Variants in PTPRQ observed in about 807,000 individuals in gnomAD.
PTPRQ encodes the protein phosphatidylinositol phosphatase PTPRQ.
In PTPRQ, 199 loss-of-function variants were observed where a neutral mutation model predicts 246.0. The observed-to-expected ratio is 0.81, with a 90% CI of 0.72 to 0.91. The LOEUF is 0.91. Ranked by LOEUF, PTPRQ falls within the 40% of genes least tolerant of loss-of-function variation. The pLI, the probability that PTPRQ is intolerant of heterozygous loss-of-function variation, is 0.00. For synonymous variants in PTPRQ, 869 were observed against 853.2 expected (o/e 1.02, Z -0.32); for missense variants, 2,624 against 2,528.4 (o/e 1.04, Z -0.81).
At chr12:80,677,661 T>C (rs931497231) in intron 43 of PTPRQ, among the ~76,000 whole-genome samples, 1 of 152,134 alleles carries the variant, frequency 6.6e-6, no homozygotes, top group East Asian at 1.9e-4. Context: ...CACAAAGAAA[T>C]AGATATTCCT....
At chr12:80,601,420 C>T (rs1434579054) in intron 26 of PTPRQ, among the ~76,000 whole-genome samples, 1 of 151,782 alleles carries the variant, frequency 6.6e-6, no homozygotes, top group Non-Finnish European at 1.5e-5. Flanking sequence ...ACCTTGATCA[C>T]CTGTATGAGC....
intron 5 of PTPRQ, among the ~76,000 whole-genome samples, chr12:80,459,812 G>C (rs751028640): frequency 2.0e-5 from 3 of 152,130 alleles, no homozygotes; most frequent in African/African-American, 7.2e-5. Context: ...TGTGATGGTG[G>C]CATTCCCGGT....
chr12:80,670,197 T>C, intron 41 of PTPRQ, 147 bp from the exon 42 acceptor site: 1 of 1,172,500 alleles, frequency 8.5e-7, no homozygotes, highest in Non-Finnish European at 1.2e-6. Context: ...TAAAAATCTC[T>C]CTTATAGGAA....
intron 15 of PTPRQ, 112 bp from the exon 16 acceptor site, chr12:80,506,457 C>T (rs1444652704): frequency 9.7e-6 from 9 of 924,850 alleles, no homozygotes; most frequent in Non-Finnish European, 1.4e-5. Flanking sequence ...GACATTTTCA[C>T]TTAGTTTTTA....
intron 32 of PTPRQ, 41 bp from the exon 33 acceptor site, chr12:80,622,020 A>T: frequency 8.4e-7 from 1 of 1,196,328 alleles, no homozygotes; most frequent in Non-Finnish European, 1.1e-6. Flanking sequence ...GAAAAATCAC[A>T]TGATATGCAA....
At chr12:80,561,834 G>T (rs930394635) in intron 25 of PTPRQ, among the ~76,000 whole-genome samples, 1 of 152,130 alleles carries the variant, frequency 6.6e-6, no homozygotes, top group African/African-American at 2.4e-5. Context: ...TAAGAGCAAT[G>T]AAAGAGGACA....
At chr12:80,525,533 G>A (rs184195094) in intron 17 of PTPRQ, among the ~76,000 whole-genome samples, 26 of 152,062 alleles carry the variant, frequency 1.7e-4, no homozygotes, top group Non-Finnish European at 3.5e-4. Flanking sequence ...ATTTTCTTGC[G>A]AGTGCAGCGG....
At chr12:80,579,906 A>G (rs1050376696) in intron 25 of PTPRQ, among the ~76,000 whole-genome samples, 4 of 152,192 alleles carry the variant, frequency 2.6e-5, no homozygotes, top group Non-Finnish European at 4.4e-5. Flanking sequence ...ATTCACAAAT[A>G]TAACTTTTCA....
intron 39 of PTPRQ, among the ~76,000 whole-genome samples, chr12:80,668,759 A>T (rs1192422858): frequency 1.3e-5 from 2 of 151,960 alleles, no homozygotes; most frequent in African/African-American, 4.8e-5. Flanking sequence ...AAATATTATT[A>T]TGTAGTCCTT....
Position 80,546,663 on chromosome 12 carries a change from T to A in PTPRQ, c.3981T>A (p.Phe1327Leu). The change falls in exon 24 of 45, where the codon TTT becomes TTA. Residue 1327 changes from phenylalanine (F) to leucine (L), a missense_variant. By Grantham distance (22) the Phe-to-Leu change is conservative. Transcript: ENST00000644991. ...AFTKVGNGNQ[F>L]SNVVKFTTQE... Reference sequence around the variant, plus strand: ...CCAAAGTTGGAAATGGCAATCAATTTAGTAATGTAGTAAAATTCACAACCC... The same window carrying A: ...CCAAAGTTGGAAATGGCAATCAATTAAGTAATGTAGTAAAATTCACAACCC... The A allele has an allele frequency of 6.4e-7, 1 of 1,551,450 alleles. No individual in the cohort carries two copies. Among genetic ancestry groups the A allele is most frequent in the Non-Finnish European group, 8.7e-7 (1 of 1,146,854 alleles).
Position 80,448,696 on chromosome 12 carries a change from G to A in PTPRQ, c.390+2979G>A, listed in dbSNP as rs370203843. Among the ~76,000 whole-genome samples, 586 of 149,256 alleles carry A rather than the reference G, an allele frequency of 3.9e-3. 22 individuals carry two copies. In the East Asian group the frequency reaches 0.098, roughly 25 times the overall value. Reference sequence around the variant, plus strand: ...AATTTCATCTATGTCCCTACAAAGGGCATGAACTCATCATTTTTTATGGCT... The same window carrying A: ...AATTTCATCTATGTCCCTACAAAGGACATGAACTCATCATTTTTTATGGCT... On this transcript the variant is annotated intron_variant, in intron 3 of 44. Transcript: ENST00000644991.
chr12:80,509,123 T>G (rs1196528705), intron 16 of PTPRQ, among the ~76,000 whole-genome samples: 1 of 152,038 alleles, frequency 6.6e-6, no homozygotes, highest in African/African-American at 2.4e-5. Context: ...CAATATTTGA[T>G]AGCAACATTA....
intron 35 of PTPRQ, among the ~76,000 whole-genome samples, chr12:80,642,747 C>T (rs997127395): frequency 2.9e-4 from 43 of 150,598 alleles, no homozygotes; most frequent in African/African-American, 9.3e-4. Context: ...GGTGAAACCC[C>T]GTCTCTACTA....
At chr12:80,644,661 T>C (rs1247182203) in intron 35 of PTPRQ, among the ~76,000 whole-genome samples, 1 of 152,110 alleles carries the variant, frequency 6.6e-6, no homozygotes, top group African/African-American at 2.4e-5. Context: ...TAATTATACC[T>C]CTCAGTGATA....
intron 8 of PTPRQ, among the ~76,000 whole-genome samples, chr12:80,477,107 GT>G (rs1893834321): frequency 6.6e-6 from 1 of 152,118 alleles, no homozygotes; most frequent in Non-Finnish European, 1.5e-5. Context: ...CTTGCTTTAA[GT>G]TCTTGGTACT....
chr12:80,542,433 C>A, intron 22 of PTPRQ, 69 bp downstream of exon 22: 1 of 1,492,152 alleles, frequency 6.7e-7, no homozygotes, highest in Non-Finnish European at 8.9e-7. Context: ...TTTTAAGGAA[C>A]AGCATGGAAT....
chr12:80,605,013 G>T, intron 26 of PTPRQ, 46 bp from the exon 27 acceptor site: 1 of 1,500,118 alleles, frequency 6.7e-7, no homozygotes, highest in Non-Finnish European at 8.9e-7. Context: ...GCTGTAGCAA[G>T]TACTAATTCT....
At chr12:80,585,052 C>T (rs1382481333) in intron 25 of PTPRQ, among the ~76,000 whole-genome samples, 1 of 150,340 alleles carries the variant, frequency 6.7e-6, no homozygotes, top group Non-Finnish European at 1.5e-5. Flanking sequence ...AGATGAAATC[C>T]AAAATTTTAA....
chr12:80,515,528 C>A (rs952657081), intron 17 of PTPRQ, among the ~76,000 whole-genome samples: 1 of 151,546 alleles, frequency 6.6e-6, no homozygotes, highest in African/African-American at 2.4e-5. Flanking sequence ...TCAAGTGATT[C>A]TCCTGCCTCA....
Sources: gnomAD v4.1 joint callset for allele counts (sites outside exome capture counted in the v4.1 genomes callset) on GRCh38, gnomAD v4.1.1 for gene constraint, MANE v1.5 for transcripts, NCBI Gene and HGNC (gene_info 2026-07-23, HGNC 2026-07-21) for gene names.